COL25A1: variants seen among roughly 807,000 people sequenced by gnomAD.
The protein encoded by COL25A1 is collagen alpha-1(XXV) chain.
In COL25A1, 103 loss-of-function variants were observed where a neutral mutation model predicts 128.4. The observed-to-expected ratio is 0.80, with a 90% CI of 0.68 to 0.94. The LOEUF (loss-of-function observed/expected upper bound fraction) is 0.94. Among genes scored for constraint, COL25A1 ranks in the 40% least tolerant of loss-of-function variants. The pLI is 0.00. For synonymous variants in COL25A1, 279 were observed against 277.2 expected (o/e 1.01, Z -0.06); for missense variants, 745 against 840.0 (o/e 0.89, Z 1.40).
At chr4:108,989,971 G>A (rs1470372894) in intron 6 of COL25A1, among the ~76,000 whole-genome samples, 1 of 151,752 alleles carries the variant, frequency 6.6e-6, no homozygotes, top group Non-Finnish European at 1.5e-5. Flanking sequence ...CCAACACTTT[G>A]GGATGCCAAG....
chr4:109,053,122 A>G (rs546652615), intron 3 of COL25A1, among the ~76,000 whole-genome samples: 28 of 152,326 alleles, frequency 1.8e-4, no homozygotes, highest in Admixed American at 1.8e-3. Context: ...TCATTCAATG[A>G]AGAATGAATT....
chr4:109,015,547 AAATACATGAGAAAGTGGAG>A (rs1757134513), intron 5 of COL25A1, among the ~76,000 whole-genome samples: 1 of 152,214 alleles, frequency 6.6e-6, no homozygotes, highest in Admixed American at 6.5e-5. Context: ...GAAGTCAGGA[AAATACATGAGAAAGTGGAG>A]AATACTGAGT....
intron 6 of COL25A1, among the ~76,000 whole-genome samples, chr4:108,982,696 G>A (rs536683998): frequency 1.1e-4 from 17 of 152,116 alleles, no homozygotes; most frequent in Non-Finnish European, 1.6e-4. Context: ...GATTAAAAGA[G>A]ACCAAGCAGA....
intron 11 of COL25A1, among the ~76,000 whole-genome samples, chr4:108,926,940 G>A (rs910756312): frequency 2.0e-5 from 3 of 151,982 alleles, no homozygotes; most frequent in Admixed American, 1.3e-4. Context: ...GCACTGCAAT[G>A]TTTTCAATGT....
At chr4:108,965,531 A>T (rs923433073) in intron 8 of COL25A1, among the ~76,000 whole-genome samples, 1 of 152,244 alleles carries the variant, frequency 6.6e-6, no homozygotes, top group South Asian at 2.1e-4. Context: ...ATTATTAAAC[A>T]TTACAACAGC....
At chr4:108,954,322 ATGT>A (rs1370974589) in intron 8 of COL25A1, among the ~76,000 whole-genome samples, 1 of 152,116 alleles carries the variant, frequency 6.6e-6, no homozygotes, top group African/African-American at 2.4e-5. Flanking sequence ...GTGGTTGATA[ATGT>A]TGTTATTTAA....
rs1334125118 is a variant in COL25A1 at position 108,811,564 on chromosome 4, A to T, written c.*2363T>A. ...CAGAAAAAAAGATAGAAGGGAAAAA[A>T]ATATAGCCACTGGACACTGTAGTTT... On this transcript the variant is annotated 3_prime_UTR_variant, in exon 38 of 38. Transcript: ENST00000399132. 1.3e-5 allele frequency: 2 copies of T among 152,128 alleles called. No homozygotes were observed. Among genetic ancestry groups the T allele is most frequent in the African/African-American group, 2.4e-5 (1 of 41,450 alleles). 9.4% of individuals were successfully genotyped at this position (152,128 alleles called of 1,614,324 possible).
At chr4:108,886,488 G>GTTTTTTTT (rs1413657808) in intron 18 of COL25A1, among the ~76,000 whole-genome samples, 1 of 49,426 alleles carries the variant, frequency 2.0e-5, no homozygotes, top group African/African-American at 6.5e-5. Flanking sequence ...GTGTGTGTGT[G>GTTTTTTTT]TGTGTTTAGC....
At chr4:109,060,302 CA>C (rs1055621456) in intron 3 of COL25A1, among the ~76,000 whole-genome samples, 4 of 152,124 alleles carry the variant, frequency 2.6e-5, no homozygotes, top group African/African-American at 9.7e-5. Flanking sequence ...GAAGAAAGAG[CA>C]ACCTCTAATC....
At chr4:109,012,089 C>T (rs1237484367) in intron 5 of COL25A1, among the ~76,000 whole-genome samples, 3 of 152,308 alleles carry the variant, frequency 2.0e-5, no homozygotes, top group African/African-American at 4.8e-5. Context: ...CATGGCTCAC[C>T]ACAGTCTTGA....
chr4:109,206,174 T>G (rs1274051071), intron 3 of COL25A1, among the ~76,000 whole-genome samples: 1 of 152,186 alleles, frequency 6.6e-6, no homozygotes, highest in African/African-American at 2.4e-5. Flanking sequence ...GTTAATATCC[T>G]TCTACTGTAC....
intron 5 of COL25A1, among the ~76,000 whole-genome samples, chr4:109,029,053 CAG>C (rs1258189926): frequency 6.6e-6 from 1 of 152,066 alleles, no homozygotes; most frequent in Non-Finnish European, 1.5e-5. Context: ...CAACTCTTTC[CAG>C]AGTTTCATTG....
chr4:109,274,427 G>C (rs17306205), intron 3 of COL25A1, among the ~76,000 whole-genome samples: 4,313 of 152,136 alleles, frequency 0.028, 89 homozygotes, highest in Non-Finnish European at 0.043. Flanking sequence ...AAAGAGAAAT[G>C]ATTTCCTCAG....
chr4:109,269,977 T>A (rs1012201997), intron 3 of COL25A1, among the ~76,000 whole-genome samples: 3 of 152,134 alleles, frequency 2.0e-5, no homozygotes, highest in African/African-American at 7.2e-5. Flanking sequence ...ACCACATGAT[T>A]ATCTCAATAG....
chr4:109,105,670 C>T (rs147215567), intron 3 of COL25A1, among the ~76,000 whole-genome samples: 1 of 152,124 alleles, frequency 6.6e-6, no homozygotes, highest in South Asian at 2.1e-4. Flanking sequence ...TAAGGCTTCA[C>T]AACTTGGAAA....
intron 6 of COL25A1, among the ~76,000 whole-genome samples, chr4:108,977,385 T>C (rs925855815): frequency 6.6e-6 from 1 of 152,242 alleles, no homozygotes; most frequent in African/African-American, 2.4e-5. Flanking sequence ...TTTATTATTT[T>C]CCATGAATCA....
At chr4:109,129,657 C>CT (rs1298305016) in intron 3 of COL25A1, among the ~76,000 whole-genome samples, 1 of 152,136 alleles carries the variant, frequency 6.6e-6, no homozygotes, top group African/African-American at 2.4e-5. Context: ...CTGGGCCAGG[C>CT]TAGTCTTTGA....
chr4:109,234,476 G>A (rs569196208), intron 3 of COL25A1, among the ~76,000 whole-genome samples: 4 of 152,078 alleles, frequency 2.6e-5, no homozygotes, highest in South Asian at 2.1e-4. Context: ...GTTTGTTAAG[G>A]GTTTCTGGGG....
intron 3 of COL25A1, 54 bp from the exon 4 acceptor site, chr4:109,050,233 C>T: frequency 7.6e-7 from 1 of 1,313,978 alleles, no homozygotes; most frequent in Non-Finnish European, 1.1e-6. Context: ...TTCCTGGTTC[C>T]AAAATAGCTA....
Sources: gnomAD v4.1 joint callset for allele counts (sites outside exome capture counted in the v4.1 genomes callset) on GRCh38, gnomAD v4.1.1 for gene constraint, MANE v1.5 for transcripts, NCBI Gene and HGNC (gene_info 2026-07-23, HGNC 2026-07-21) for gene names.